The following BTBD2 variants were observed in gnomAD, a reference collection of about 807,000 sequenced individuals.
BTBD2 encodes the protein BTB/POZ domain-containing protein 2.
Under a neutral mutation model 44.0 loss-of-function variants are expected in BTBD2, and 15 were observed. The observed-to-expected ratio is 0.34, with a 90% CI of 0.23 to 0.53. BTBD2 has a LOEUF of 0.53. Ranked by LOEUF, BTBD2 falls within the 20% of genes least tolerant of loss-of-function variation. BTBD2 has a pLI of 0.95. For synonymous variants in BTBD2, 443 were observed against 335.9 expected, an observed-to-expected ratio of 1.32 and a Z score of -3.49; for missense variants, 657 against 746.4, an observed-to-expected ratio of 0.88 and a Z score of 1.39.
At chr19:2,003,897 T>G (rs992204246) in intron 1 of BTBD2, among the ~76,000 whole-genome samples, 5 of 152,000 alleles carry the variant, frequency 3.3e-5, no homozygotes, top group African/African-American at 1.2e-4. Context: ...TTCTGTTCTA[T>G]TCCTTAAAAA....
At chr19:2,011,227 G>A (rs770095513) in intron 1 of BTBD2, among the ~76,000 whole-genome samples, 2 of 151,940 alleles carry the variant, frequency 1.3e-5, no homozygotes, top group Non-Finnish European at 2.9e-5. Flanking sequence ...CACCTGCCAA[G>A]CTGCCTCCTC....
At chr19:1,989,921 C>G in intron 5 of BTBD2, 83 bp downstream of exon 5, 1 of 1,490,090 alleles carries the variant, frequency 6.7e-7, no homozygotes, top group Non-Finnish European at 9.2e-7. Flanking sequence ...GCAGTGAACT[C>G]GGGGGCACTA....
chr19:1,986,948 A>G lies in BTBD2; in HGVS notation c.1298T>C (p.Leu433Ser), dbSNP rs778790644. ...QIIHTDSNTV[L>S]GQNDTGFSCD... ...GCTGAAGCCCGTGTCGTTCTGGCCC[A>G]AGACGGTGTTGCTATCGGTGTGAAT... Residue 433 changes from leucine (L) to serine (S), a missense_variant, in exon 8 of 9, where the codon TTG becomes TCG. By Grantham distance (145) the Leu-to-Ser change is moderately radical. This residue lies in a region of BTBD2 where 449 missense variants were observed against 510.9 expected (regional missense o/e 0.88). Transcript: ENST00000255608. The G allele has an allele frequency of 2.5e-6, 4 of 1,613,140 alleles. No individual in the cohort carries two copies. The highest frequency in any genetic ancestry group is 2.5e-6 in the Non-Finnish European group (3 of 1,179,714).
chr19:1,992,597 A>C (rs2016194408), intron 3 of BTBD2, among the ~76,000 whole-genome samples: 2 of 150,420 alleles, frequency 1.3e-5, no homozygotes. Flanking sequence ...TTTCAGGTGG[A>C]GTCTCGCTCT....
At position 1,990,164 on chromosome 19, in the gene BTBD2, G is replaced by T; in HGVS notation, c.828C>A (p.Gly276=). The T allele has an allele frequency of 1.2e-6, 2 of 1,609,900 alleles. No homozygotes were observed. The highest frequency in any genetic ancestry group is 1.7e-6 in the Non-Finnish European group (2 of 1,178,676). ...CATTGAACAGCCGCACCTCACGGAT[G>T]CCCAGTGTGTCGCGCTCCAGGACAG... is the stretch of plus-strand genomic sequence containing the variant. ...LVAVLERDTL[G]IREVRLFNAV... The change falls in exon 5 of 9, where the codon GGC becomes GGA. Residue 276 remains glycine (G), a synonymous_variant. Coordinates refer to ENST00000255608, the MANE Select transcript of BTBD2 (RefSeq NM_017797.4).
In BTBD2 at chr19:1,987,306, T is replaced by G. The variant is rs1337462121; in HGVS notation, c.1182-53A>C. The G allele has an allele frequency of 1.3e-5, 20 of 1,595,420 alleles. No homozygotes were observed. The East Asian group carries it at 4.5e-4, about 36-fold the overall frequency. The stretch of plus-strand genomic sequence containing the variant: ...GTGGATACCCAGGGATAGCCTAAGG[T>G]GAGCTGGGGCGAGCCCACCCCCATG... On this transcript the variant is annotated intron_variant, in intron 6 of 8. Coordinates refer to ENST00000255608, the MANE Select transcript of BTBD2 (RefSeq NM_017797.4).
Position 1,986,651 on chromosome 19 carries a change from TGTAGGG to T in BTBD2, c.1417-8_1417-3del. 1 of 1,613,472 alleles carries T rather than the reference TGTAGGG, an allele frequency of 6.2e-7. No individual in the cohort carries two copies. Among genetic ancestry groups the T allele is most frequent in the Non-Finnish European group, 8.5e-7 (1 of 1,179,652 alleles). On this transcript the variant is annotated splice_polypyrimidine_tract_variant and splice_region_variant and intron_variant, in intron 8 of 8. Coordinates refer to ENST00000255608, the MANE Select transcript of BTBD2 (RefSeq NM_017797.4). ...GGTGCCGTAGTGGGAGTCTGGGCCC[TGTAGGG>T]AATAGGGGTACAGTGAGGTCAAGGA...
intron 1 of BTBD2, among the ~76,000 whole-genome samples, chr19:1,999,839 G>A (rs1017057462): frequency 6.6e-6 from 1 of 151,918 alleles, no homozygotes; most frequent in Non-Finnish European, 1.5e-5. Context: ...GTGGGTGCCT[G>A]TAATCCCAGC....
At chr19:2,001,225 C>T (rs1196377423) in intron 1 of BTBD2, among the ~76,000 whole-genome samples, 1 of 151,898 alleles carries the variant, frequency 6.6e-6, no homozygotes, top group Non-Finnish European at 1.5e-5. Context: ...GCACCGGGCA[C>T]GGTGGCTCAC....
intron 1 of BTBD2, among the ~76,000 whole-genome samples, chr19:2,000,753 A>G (rs990890396): frequency 1.3e-5 from 2 of 152,218 alleles, no homozygotes; most frequent in African/African-American, 2.4e-5. Flanking sequence ...AATTGCTCAC[A>G]GCAGCACGAT....
chr19:1,986,230 T>G lies in BTBD2; in HGVS notation c.*258A>C. ...CCTGGCCCAGGCCGGCACAGCCCTGTCCCTAGTCCTGAGGGATTGTCTCCA... is the reference window on the plus strand; with the variant it reads ...CCTGGCCCAGGCCGGCACAGCCCTGGCCCTAGTCCTGAGGGATTGTCTCCA... On this transcript the variant is annotated 3_prime_UTR_variant, in exon 9 of 9. Coordinates refer to ENST00000255608, the MANE Select transcript of BTBD2 (RefSeq NM_017797.4). 1.9e-6 allele frequency: 1 copy of G among 518,994 alleles called. No individual in the cohort carries two copies. The allele number at this position is 518,994 out of a possible 1,614,324, so 32.1% of individuals were successfully genotyped here.
Position 1,994,835 on chromosome 19 carries a change from C to T in BTBD2, c.528-1659G>A, listed in dbSNP as rs143427095. On this transcript the variant is annotated intron_variant, in intron 2 of 8. Transcript: ENST00000255608. ...GCATTTCCACTCTGCCGGTATTGTC[C>T]TTTGAGGTATACATTTTTAACATTT... is the stretch of plus-strand genomic sequence containing the variant. Among the ~76,000 whole-genome samples, 618 of 152,232 alleles carry T rather than the reference C, an allele frequency of 4.1e-3. 6 individuals are homozygous for T. Among genetic ancestry groups the T allele is most frequent in the African/African-American group, 0.014 (586 of 41,516 alleles).
Position 2,015,381 on chromosome 19 carries a change from G to T in BTBD2, c.323C>A (p.Ala108Asp). 1 of 1,583,780 alleles carries T rather than the reference G, an allele frequency of 6.3e-7. No individual in the cohort carries two copies. Among genetic ancestry groups the T allele is most frequent in the Non-Finnish European group, 8.5e-7 (1 of 1,172,378 alleles). The change falls in exon 1 of 9, where the codon GCC (alanine) becomes GAC (aspartate). Residue 108 changes from alanine (A) to aspartate (D), a missense_variant. Ala to Asp is a moderately radical substitution (Grantham distance 126). Transcript: ENST00000255608. ...ASKPTVQERF[A>D]FLFNNEVLCD... ...CAGCACCTCGTTGTTGAAGAGGAAG[G>T]CGAAGCGCTCCTGCACGGTGGGCTT... is the stretch of plus-strand genomic sequence containing the variant.
At chr19:1,993,239 T>C (rs2016205923) in intron 2 of BTBD2, 63 bp from the exon 3 acceptor site, 3 of 1,539,526 alleles carry the variant, frequency 1.9e-6, no homozygotes, top group African/African-American at 2.8e-5. Context: ...GGGGAGAGCG[T>C]CAGGGGACCA....
Position 2,014,876 on chromosome 19 carries a change from G to A in BTBD2, c.407+421C>T, listed in dbSNP as rs187259233. Reference sequence around the variant, plus strand: ...GCGCAAGCCAGAGGTGGAGGATCCAGGGGGGCCTGGGGATGGAGGGGTGCA... The same window carrying A: ...GCGCAAGCCAGAGGTGGAGGATCCAAGGGGGCCTGGGGATGGAGGGGTGCA... On this transcript the variant is annotated intron_variant, in intron 1 of 8. Transcript: ENST00000255608. 1.1e-4 allele frequency among the ~76,000 whole-genome samples: 17 copies of A among 151,620 alleles called. No individual in the cohort carries two copies. The East Asian group carries it at 2.9e-3, about 26-fold the overall frequency.
intron 1 of BTBD2, among the ~76,000 whole-genome samples, chr19:2,006,105 A>AT (rs138644412): frequency 9.9e-5 from 15 of 151,526 alleles, no homozygotes; most frequent in Non-Finnish European, 1.3e-4. Flanking sequence ...AAAAAAAAAA[A>AT]TTTAATTTTT....
At chr19:2,000,279 C>T (rs980070412) in intron 1 of BTBD2, among the ~76,000 whole-genome samples, 3 of 148,698 alleles carry the variant, frequency 2.0e-5, no homozygotes, top group Admixed American at 6.6e-5. Flanking sequence ...CAGGGCCCTG[C>T]GCCATCACCC....
At chr19:2,010,763 T>C (rs1444647735) in intron 1 of BTBD2, among the ~76,000 whole-genome samples, 2 of 152,066 alleles carry the variant, frequency 1.3e-5, no homozygotes, top group African/African-American at 2.4e-5. Flanking sequence ...CCTCAGACTC[T>C]GAGTAGCTGG....
chr19:2,007,448 C>G (rs756565511), intron 1 of BTBD2, among the ~76,000 whole-genome samples: 11 of 152,122 alleles, frequency 7.2e-5, no homozygotes, highest in Non-Finnish European at 1.6e-4. Flanking sequence ...TTTGCTGGCA[C>G]CTGTGTCTTT....
Sources: allele counts gnomAD v4.1 joint callset (sites outside exome capture counted in the v4.1 genomes callset), GRCh38; gene constraint gnomAD v4.1.1; regional missense constraint gnomAD v4.1.1; transcripts MANE v1.5; gene names NCBI Gene and HGNC (gene_info 2026-07-23, HGNC 2026-07-21).